The following METTL25 variants were observed in gnomAD, a reference collection of about 807,000 sequenced individuals.
METTL25 encodes the protein methyltransferase like 25, also known as probable methyltransferase-like protein 25.
In METTL25, 64 loss-of-function variants were observed where a neutral mutation model predicts 71.6. The ratio of observed to expected loss-of-function variants is 0.89; its 90% confidence interval spans 0.73 to 1.10. METTL25 has a LOEUF of 1.10. Among genes scored for constraint, METTL25 ranks in the 50% least tolerant of loss-of-function variants. The pLI, the probability that METTL25 is intolerant of heterozygous loss-of-function variation, is 0.00. For missense variants in METTL25, 807 were observed against 707.0 expected (o/e 1.14, Z -1.60); for synonymous variants, 287 against 250.3 (o/e 1.15, Z -1.38).
At chr12:82,404,742 A>ACATGGT (rs1241249641) in intron 5 of METTL25, among the ~76,000 whole-genome samples, 1 of 152,152 alleles carries the variant, frequency 6.6e-6, no homozygotes, top group Non-Finnish European at 1.5e-5. Context: ...CAGGAGTTCA[A>ACATGGT]GACCAGCCTG....
At chr12:82,370,657 C>G (rs2136853014) in intron 1 of METTL25, among the ~76,000 whole-genome samples, 1 of 152,252 alleles carries the variant, frequency 6.6e-6, no homozygotes, top group Middle Eastern at 3.4e-3. Context: ...TAAATTTACC[C>G]TGGTTTTTAA....
chr12:82,436,795 T>C (rs1048604425), intron 7 of METTL25, among the ~76,000 whole-genome samples: 1 of 151,582 alleles, frequency 6.6e-6, no homozygotes, highest in African/African-American at 2.4e-5. Flanking sequence ...AAAGAAGAGA[T>C]TTTAACTATT....
At position 82,358,557 on chromosome 12, in the gene METTL25, G is replaced by T. The variant is rs1373639995; in HGVS notation, c.-9G>T. 1 of 1,608,774 alleles carries T rather than the reference G, an allele frequency of 6.2e-7. No individual in the cohort carries two copies. Among genetic ancestry groups the T allele is most frequent in the Non-Finnish European group, 8.5e-7 (1 of 1,179,190 alleles). On this transcript the variant is annotated 5_prime_UTR_variant, in exon 1 of 12. Coordinates refer to ENST00000248306, the MANE Select transcript of METTL25 (RefSeq NM_032230.3). ...TTTGCGCCACCTACAGCCTCGGAGG[G>T]TGAGCGTCATGGCGGCTTCTTGCCC...
At chr12:82,438,349 T>C (rs910746025) in intron 7 of METTL25, among the ~76,000 whole-genome samples, 4 of 151,760 alleles carry the variant, frequency 2.6e-5, no homozygotes, top group Non-Finnish European at 4.4e-5. Context: ...TTCTCTTCTT[T>C]TTCACACATA....
At position 82,399,342 on chromosome 12, in the gene METTL25, C is replaced by T. The variant is rs1201076423; in HGVS notation, c.1079C>T (p.Thr360Ile). Reference sequence around the variant, plus strand: ...GAATCAAATATATATTCACCTTTAACCTCTTTTATCACTGCTGATTCAGAA... The same window carrying T: ...GAATCAAATATATATTCACCTTTAATCTCTTTTATCACTGCTGATTCAGAA... The part of the protein sequence containing the change: ...SSESNIYSPL[T>I]SFITADSELH... Residue 360 changes from threonine (T) to isoleucine (I), a missense_variant, in exon 4 of 12, where the codon ACC (threonine) becomes ATC (isoleucine). Thr to Ile is a moderately conservative substitution (Grantham distance 89, BLOSUM62 -1). Coordinates refer to ENST00000248306, the MANE Select transcript of METTL25 (RefSeq NM_032230.3). 1 of 1,604,908 alleles carries T rather than the reference C, an allele frequency of 6.2e-7. No homozygotes were observed. Among genetic ancestry groups the T allele is most frequent in the Non-Finnish European group, 8.5e-7 (1 of 1,176,376 alleles).
At chr12:82,465,356 G>C (rs1892158775) in intron 9 of METTL25, among the ~76,000 whole-genome samples, 1 of 151,928 alleles carries the variant, frequency 6.6e-6, no homozygotes, top group Admixed American at 6.6e-5. Context: ...CATCTATTGA[G>C]ATAATATTAT....
intron 1 of METTL25, among the ~76,000 whole-genome samples, chr12:82,359,237 A>AT (rs1881445688): frequency 6.6e-6 from 1 of 152,176 alleles, no homozygotes; most frequent in South Asian, 2.1e-4. Flanking sequence ...AAACAGTGTA[A>AT]TGTGGTAGGG....
At chr12:82,389,702 A>C in intron 2 of METTL25, 114 bp from the exon 3 acceptor site, 1 of 611,950 alleles carries the variant, frequency 1.6e-6, no homozygotes, top group Non-Finnish European at 2.9e-6. Context: ...CAGAAACCAC[A>C]GTAGAATCTC....
At chr12:82,441,290 TC>T (rs1342710738) in intron 8 of METTL25, among the ~76,000 whole-genome samples, 1 of 30,222 alleles carries the variant, frequency 3.3e-5, no homozygotes, top group Non-Finnish European at 1.0e-4. Flanking sequence ...ATCACTAACA[TC>T]TTATATATAT....
chr12:82,433,566 G>T lies in METTL25; in HGVS notation c.1375-1129G>T, dbSNP rs183368329. ...CTTTTTCCCACTAACTCCACATGGT[G>T]TGAGGGCATGTTAAACCAGGATTCA... On this transcript the variant is annotated intron_variant, in intron 6 of 11. Coordinates refer to ENST00000248306, the MANE Select transcript of METTL25 (RefSeq NM_032230.3). 1.1e-3 allele frequency among the ~76,000 whole-genome samples: 168 copies of T among 151,676 alleles called. 1 individual carries two copies. Among genetic ancestry groups the T allele is most frequent in the Non-Finnish European group, 1.4e-3 (98 of 67,752 alleles).
chr12:82,378,367 TAAGG>T (rs1399379558), intron 1 of METTL25, among the ~76,000 whole-genome samples: 1 of 152,132 alleles, frequency 6.6e-6, no homozygotes, highest in Non-Finnish European at 1.5e-5. Flanking sequence ...TTACAAAAAC[TAAGG>T]AAGTAGTAAA....
chr12:82,439,861 C>A, intron 8 of METTL25: 1 of 776,592 alleles, frequency 1.3e-6, no homozygotes, highest in Non-Finnish European at 1.4e-6. Context: ...CAGATCTGTT[C>A]ATGTGTTTAT....
At chr12:82,419,369 A>T (rs1212012280) in intron 5 of METTL25, among the ~76,000 whole-genome samples, 1 of 152,126 alleles carries the variant, frequency 6.6e-6, no homozygotes, top group Non-Finnish European at 1.5e-5. Flanking sequence ...CTTGAAGGGA[A>T]AAGATAGACA....
intron 9 of METTL25, among the ~76,000 whole-genome samples, chr12:82,457,252 GT>G (rs1891558469): frequency 6.6e-6 from 1 of 151,648 alleles, no homozygotes; most frequent in South Asian, 2.1e-4. Flanking sequence ...GGAGGCCCAA[GT>G]TAGTAATTGA....
At chr12:82,422,516 A>C (rs536125838) in intron 5 of METTL25, among the ~76,000 whole-genome samples, 15 of 152,290 alleles carry the variant, frequency 9.8e-5, no homozygotes, top group African/African-American at 3.4e-4. Context: ...CACCACTCCT[A>C]TTCAACATAG....
rs1473756061 is a variant in METTL25, at chr12:82,398,785, C to T, written c.532-10C>T. On this transcript the variant is annotated splice_polypyrimidine_tract_variant and intron_variant, in intron 3 of 11. Coordinates refer to ENST00000248306, the MANE Select transcript of METTL25 (RefSeq NM_032230.3). ...AAATTCTTTAATTTATTCTTTTTTT[C>T]TAATCTTAGGTGATTGACTTGGGTT... 1 of 1,424,860 alleles carries T rather than the reference C, an allele frequency of 7.0e-7. No individual in the cohort carries two copies. The highest frequency in any genetic ancestry group is 9.2e-7 in the Non-Finnish European group (1 of 1,087,224). 88.3% of individuals were successfully genotyped at this position (1,424,860 alleles called of 1,614,324 possible).
At chr12:82,435,969 G>A (rs535964089) in intron 7 of METTL25, among the ~76,000 whole-genome samples, 2 of 151,524 alleles carry the variant, frequency 1.3e-5, no homozygotes, top group South Asian at 4.1e-4. Flanking sequence ...TGAAGAGACT[G>A]TAAGGTAACA....
chr12:82,414,314 CA>C (rs1385000398), intron 5 of METTL25, among the ~76,000 whole-genome samples: 3 of 152,202 alleles, frequency 2.0e-5, no homozygotes, highest in Admixed American at 6.6e-5. Context: ...CAATTTACCT[CA>C]CTCTGACAGC....
chr12:82,370,984 C>G (rs367747131), intron 1 of METTL25, among the ~76,000 whole-genome samples: 6 of 152,200 alleles, frequency 3.9e-5, no homozygotes, highest in Non-Finnish European at 8.8e-5. Flanking sequence ...GGGGGTTCCC[C>G]CAGAGGTTAG....
Sources: allele counts gnomAD v4.1 joint callset (sites outside exome capture counted in the v4.1 genomes callset), GRCh38; gene constraint gnomAD v4.1.1; transcripts MANE v1.5; gene names NCBI Gene and HGNC (gene_info 2026-07-23, HGNC 2026-07-21).